SLC5A4: variants seen among roughly 807,000 people sequenced by gnomAD.
SLC5A4 encodes probable glucose sensor protein SLC5A4.
SLC5A4 carries 55 observed loss-of-function variants against 70.3 expected under a neutral mutation model. The ratio of observed to expected loss-of-function variants is 0.78; its 90% CI spans 0.63 to 0.98. SLC5A4 has a LOEUF of 0.98. SLC5A4 is among the 50% of genes least tolerant of loss of function. SLC5A4 has a pLI of 0.00. For missense variants in SLC5A4, 735 were observed against 839.2 expected (o/e 0.88, Z 1.53); for synonymous variants, 268 against 305.7 (o/e 0.88, Z 1.29).
the SLC5A4 span, among the ~76,000 whole-genome samples, chr22:32,319,058 C>A: frequency 6.6e-6 from 1 of 152,208 alleles, no homozygotes; most frequent in African/African-American, 2.4e-5. Flanking sequence ...ACAGAACCAA[C>A]AAGTAAGGGG....
the SLC5A4 span, among the ~76,000 whole-genome samples, chr22:32,333,670 C>T: frequency 1.3e-5 from 2 of 152,052 alleles, no homozygotes; most frequent in African/African-American, 4.8e-5. Context: ...CCTGGCCCGC[C>T]CCTGATGCTG....
At chr22:32,330,623 T>G in the SLC5A4 span, among the ~76,000 whole-genome samples, 1 of 108,832 alleles carries the variant, frequency 9.2e-6, no homozygotes, top group Non-Finnish European at 1.8e-5. Flanking sequence ...GTCAGGAAGC[T>G]CTGGTGTGTG....
At chr22:32,345,439 G>A in the SLC5A4 span, among the ~76,000 whole-genome samples, 2 of 152,088 alleles carry the variant, frequency 1.3e-5, no homozygotes, top group African/African-American at 4.8e-5. Context: ...CTGTTCAATT[G>A]ATTTCTTAAA....
the SLC5A4 span, among the ~76,000 whole-genome samples, chr22:32,325,453 TG>T: frequency 6.6e-6 from 1 of 152,152 alleles, no homozygotes; most frequent in South Asian, 2.1e-4. Flanking sequence ...TCTGGGCAGA[TG>T]GAACAGCCTC....
the SLC5A4 span, among the ~76,000 whole-genome samples, chr22:32,309,209 C>T: frequency 6.6e-6 from 1 of 152,066 alleles, no homozygotes; most frequent in Non-Finnish European, 1.5e-5. Context: ...ATAGAGATTC[C>T]AAAACACACA....
At chr22:32,321,838 T>A in the SLC5A4 span, among the ~76,000 whole-genome samples, 1 of 152,248 alleles carries the variant, frequency 6.6e-6, no homozygotes, top group African/African-American at 2.4e-5. Context: ...ATGGTGCCTA[T>A]ACAGTCTTCC....
the SLC5A4 span, among the ~76,000 whole-genome samples, chr22:32,287,921 C>T: frequency 6.6e-6 from 1 of 151,548 alleles, no homozygotes; most frequent in Non-Finnish European, 1.5e-5. Flanking sequence ...GAATATGTCT[C>T]TTCTAGTTTA....
chr22:32,262,860 C>T, the SLC5A4 span, among the ~76,000 whole-genome samples: 3 of 151,636 alleles, frequency 2.0e-5, no homozygotes, highest in African/African-American at 7.3e-5. Context: ...AGCTCTGACT[C>T]CCAGGTTCAT....
At chr22:32,224,575 G>T (rs1925284666) in intron 12 of SLC5A4, 93 bp from the exon 13 acceptor site, 1 of 1,030,894 alleles carries the variant, frequency 9.7e-7, no homozygotes, top group African/African-American at 1.6e-5. Context: ...TGCTTTCTCA[G>T]TTAAGGACCA....
chr22:32,278,700 C>T, the SLC5A4 span, among the ~76,000 whole-genome samples: 2 of 151,952 alleles, frequency 1.3e-5, no homozygotes, highest in Non-Finnish European at 1.5e-5. Context: ...ATTCAAGGAA[C>T]GCAACAAAAA....
At chr22:32,251,149 C>CAAAAAA (rs1169115054) in intron 3 of SLC5A4, among the ~76,000 whole-genome samples, 2 of 22,768 alleles carry the variant, frequency 8.8e-5, no homozygotes, top group African/African-American at 1.4e-4. Context: ...AACAAATAAG[C>CAAAAAA]AAAAAAAAAA....
chr22:32,300,663 T>A, the SLC5A4 span, among the ~76,000 whole-genome samples: 18,175 of 152,052 alleles, frequency 0.12, 1,488 homozygotes, highest in Non-Finnish European at 0.18. Context: ...GCTGTTCCTA[T>A]TAGGCCATCT....
chr22:32,308,340 G>A, the SLC5A4 span, among the ~76,000 whole-genome samples: 6 of 152,160 alleles, frequency 3.9e-5, no homozygotes, highest in East Asian at 7.7e-4. Flanking sequence ...TGATAGACAC[G>A]GTGATTGCGA....
rs765459243 is a variant in SLC5A4 at position 32,255,222 on chromosome 22, A to G, written c.108T>C (p.Phe36=). Residue 36 remains phenylalanine, a synonymous_variant, in exon 1 of 15, where the codon TTT becomes TTC. Transcript: ENST00000266086. ...AADISVIVIY[F]LVVMAVGLWA... is the part of the protein sequence containing the mutation. ...ACAGCCCAACAGCCATCACCACCAG[A>G]AAATAGATGACAATGACTGAGATGT... 2.5e-6 allele frequency: 4 copies of G among 1,614,036 alleles called. No individual in the cohort carries two copies. The highest frequency in any genetic ancestry group is 3.4e-6 in the Non-Finnish European group (4 of 1,179,996).
At chr22:32,340,256 A>G in the SLC5A4 span, among the ~76,000 whole-genome samples, 5 of 152,164 alleles carry the variant, frequency 3.3e-5, no homozygotes, top group Non-Finnish European at 5.9e-5. Context: ...GCCCTCAACA[A>G]ATGGGAGCTA....
At chr22:32,267,182 C>G in the SLC5A4 span, among the ~76,000 whole-genome samples, 1 of 152,092 alleles carries the variant, frequency 6.6e-6, no homozygotes, top group Non-Finnish European at 1.5e-5. Context: ...CTGTGAAAAC[C>G]CTTTAGTGAG....
the SLC5A4 span, among the ~76,000 whole-genome samples, chr22:32,316,170 G>T: frequency 6.6e-6 from 1 of 151,270 alleles, no homozygotes; most frequent in East Asian, 1.9e-4. Flanking sequence ...TGATGGTGAT[G>T]GTTGCACTAC....
At chr22:32,235,167 T>C (rs1925993002) in intron 7 of SLC5A4, 74 bp from the exon 8 acceptor site, 1 of 1,099,872 alleles carries the variant, frequency 9.1e-7, no homozygotes, top group Non-Finnish European at 1.4e-6. Context: ...TGACTACTTT[T>C]TGGTGGAGGT....
chr22:32,303,596 A>G, the SLC5A4 span, among the ~76,000 whole-genome samples: 1 of 116,118 alleles, frequency 8.6e-6, no homozygotes, highest in African/African-American at 3.1e-5. Context: ...TCACTCAGTA[A>G]TATGCATCTG....
Sources: allele counts gnomAD v4.1 joint callset (sites outside exome capture counted in the v4.1 genomes callset), GRCh38; gene constraint gnomAD v4.1.1; transcripts MANE v1.5; gene names NCBI Gene and HGNC (gene_info 2026-07-23, HGNC 2026-07-21).